TSHZ2: variants seen among roughly 807,000 people sequenced by gnomAD.
The protein encoded by TSHZ2 is teashirt homolog 2.
TSHZ2 carries 21 observed loss-of-function variants against 74.4 expected under a neutral mutation model. That is an observed-to-expected ratio of 0.28 (90% confidence interval 0.20 to 0.41). The LOEUF is 0.41. TSHZ2 is among the 10% of genes least tolerant of loss of function. The pLI, the probability that TSHZ2 is intolerant of heterozygous loss-of-function variation, is 1.00. For synonymous variants in TSHZ2, 540 were observed against 515.3 expected (o/e 1.05, Z -0.65); for missense variants, 1,244 against 1,293.5 (o/e 0.96, Z 0.59).
chr20:53,011,820 T>C (rs1170103800), intron 1 of TSHZ2, among the ~76,000 whole-genome samples: 1 of 152,200 alleles, frequency 6.6e-6, no homozygotes, highest in Non-Finnish European at 1.5e-5. Context: ...CTGTACCTTT[T>C]GGCTGAAGAG....
At chr20:53,439,688 A>T (rs1984238298) in intron 2 of TSHZ2, among the ~76,000 whole-genome samples, 1 of 152,182 alleles carries the variant, frequency 6.6e-6, no homozygotes, top group South Asian at 2.1e-4. Context: ...ATTCCCAAAG[A>T]TATGAGTTGG....
intron 1 of TSHZ2, among the ~76,000 whole-genome samples, chr20:53,067,329 A>T (rs1015053075): frequency 6.6e-6 from 1 of 152,210 alleles, no homozygotes; most frequent in African/African-American, 2.4e-5. Flanking sequence ...TTGTTATGTA[A>T]AAAGCAATTA....
intron 2 of TSHZ2, among the ~76,000 whole-genome samples, chr20:53,472,417 G>A (rs1319038823): frequency 6.6e-6 from 1 of 152,176 alleles, no homozygotes; most frequent in Non-Finnish European, 1.5e-5. Context: ...TGAGTCATAT[G>A]AGTTCCATTT....
At chr20:53,413,880 G>A (rs1983142539) in intron 2 of TSHZ2, among the ~76,000 whole-genome samples, 1 of 152,108 alleles carries the variant, frequency 6.6e-6, no homozygotes, top group Admixed American at 6.5e-5. Context: ...TATTAATATA[G>A]CCAGTAATCC....
At chr20:53,473,715 C>T (rs1459608853) in intron 2 of TSHZ2, among the ~76,000 whole-genome samples, 13 of 151,482 alleles carry the variant, frequency 8.6e-5, no homozygotes, top group South Asian at 2.1e-4. Flanking sequence ...CTCTGAGCTA[C>T]GGGAGGACAT....
At chr20:53,333,358 C>G (rs1443063333) in intron 2 of TSHZ2, among the ~76,000 whole-genome samples, 1 of 152,038 alleles carries the variant, frequency 6.6e-6, no homozygotes, top group Non-Finnish European at 1.5e-5. Context: ...GAAGAACAAT[C>G]TATTAAGCAG....
intron 2 of TSHZ2, among the ~76,000 whole-genome samples, chr20:53,299,989 C>T (rs575785558): frequency 2.0e-5 from 3 of 152,356 alleles, no homozygotes; most frequent in African/African-American, 4.8e-5. Flanking sequence ...TTACTTCCCT[C>T]GTGCTGTTCA....
intron 1 of TSHZ2, among the ~76,000 whole-genome samples, chr20:53,195,479 T>C (rs1988841157): frequency 1.3e-5 from 2 of 152,190 alleles, no homozygotes; most frequent in South Asian, 4.1e-4. Flanking sequence ...AAACTGTGTT[T>C]TCATAAGAAC....
intron 1 of TSHZ2, among the ~76,000 whole-genome samples, chr20:53,162,976 A>C (rs6126769): frequency 0.09 from 13,729 of 152,260 alleles, 895 homozygotes; most frequent in East Asian, 0.33. Context: ...ATTGTTTTTA[A>C]AAAGTTTACT....
In TSHZ2 at chr20:53,247,677, C is replaced by T. The variant is rs143389571; in HGVS notation, c.41-5822C>T. Among the ~76,000 whole-genome samples the T allele has an allele frequency of 2.3e-3, 346 of 152,326 alleles. 5 individuals carry two copies. The highest frequency in any genetic ancestry group is 7.9e-3 in the African/African-American group (330 of 41,568). ...GAAATTCTCACGATCTCCTCATTTA[C>T]GTCTGCCTTGAACCCTGTGGCATCT... is the stretch of plus-strand genomic sequence containing the variant. On this transcript the variant is annotated intron_variant, in intron 1 of 2. Transcript: ENST00000371497.
chr20:53,384,732 C>G (rs77002889), intron 2 of TSHZ2, among the ~76,000 whole-genome samples: 2 of 152,184 alleles, frequency 1.3e-5, no homozygotes, highest in East Asian at 3.9e-4. Flanking sequence ...CCAGGTGGTA[C>G]CTGCATTACT....
intron 2 of TSHZ2, among the ~76,000 whole-genome samples, chr20:53,285,973 G>T (rs1568852197): frequency 6.6e-6 from 1 of 151,376 alleles, no homozygotes; most frequent in African/African-American, 2.5e-5. Context: ...TTTGGGGAAG[G>T]GAAAACAGAG....
chr20:53,365,563 C>T (rs926409569), intron 2 of TSHZ2, among the ~76,000 whole-genome samples: 5 of 152,150 alleles, frequency 3.3e-5, no homozygotes, highest in Admixed American at 1.3e-4. Context: ...ATGCCGTTTA[C>T]GCTAAGAGGT....
intron 1 of TSHZ2, among the ~76,000 whole-genome samples, chr20:53,207,775 C>T (rs1989204715): frequency 2.6e-5 from 4 of 151,432 alleles, no homozygotes; most frequent in Admixed American, 2.6e-4. Context: ...CTCCTGGGCT[C>T]AAGCAATCTT....
intron 1 of TSHZ2, among the ~76,000 whole-genome samples, chr20:53,076,152 G>A (rs1600678123): frequency 6.6e-6 from 1 of 152,192 alleles, no homozygotes. Context: ...TAATCTGGCA[G>A]TAGTTTACAA....
intron 1 of TSHZ2, among the ~76,000 whole-genome samples, chr20:53,146,348 G>A (rs965259073): frequency 2.0e-4 from 31 of 152,006 alleles, no homozygotes; most frequent in African/African-American, 7.3e-4. Flanking sequence ...TTGTGTAGAC[G>A]GAGCCTAAAT....
intron 2 of TSHZ2, among the ~76,000 whole-genome samples, chr20:53,343,773 C>T (rs888642089): frequency 1.3e-5 from 2 of 152,222 alleles, no homozygotes; most frequent in Admixed American, 6.5e-5. Context: ...TCAGAACCAG[C>T]TCATGAGTAA....
intron 2 of TSHZ2, among the ~76,000 whole-genome samples, chr20:53,415,422 C>A (rs1326398258): frequency 3.3e-5 from 5 of 152,044 alleles, no homozygotes; most frequent in African/African-American, 1.2e-4. Context: ...CCCCTCATTG[C>A]CCCCTACAGT....
intron 2 of TSHZ2, among the ~76,000 whole-genome samples, chr20:53,292,729 C>A (rs1393468219): frequency 6.6e-6 from 1 of 152,130 alleles, no homozygotes; most frequent in Non-Finnish European, 1.5e-5. Context: ...AACTGCATTA[C>A]CCAGAATAGA....
Sources: gnomAD v4.1 joint callset for allele counts (sites outside exome capture counted in the v4.1 genomes callset) on GRCh38, gnomAD v4.1.1 for gene constraint, MANE v1.5 for transcripts, NCBI Gene and HGNC (gene_info 2026-07-23, HGNC 2026-07-21) for gene names.